RGL1: variants seen among roughly 807,000 people sequenced by gnomAD.
The protein encoded by RGL1 is ral guanine nucleotide dissociation stimulator-like 1.
In RGL1, 24 loss-of-function variants were observed where a neutral mutation model predicts 95.2. The ratio of observed to expected loss-of-function variants is 0.25; its 90% CI spans 0.18 to 0.35. The LOEUF is 0.35. Ranked by LOEUF, RGL1 falls within the 10% of genes least tolerant of loss-of-function variation. RGL1 has a pLI of 1.00. For missense variants in RGL1, 715 were observed against 936.3 expected (o/e 0.76, Z 3.08); for synonymous variants, 329 against 344.9 (o/e 0.95, Z 0.51).
chr1:183,893,225 A>G (rs1416915424), intron 9 of RGL1, among the ~76,000 whole-genome samples: 1 of 152,196 alleles, frequency 6.6e-6, no homozygotes, highest in East Asian at 1.9e-4. Context: ...GGGAGGTAAA[A>G]CATTTATAAA....
At chr1:183,763,163 C>T (rs1413994976) in intron 2 of RGL1, among the ~76,000 whole-genome samples, 1 of 152,148 alleles carries the variant, frequency 6.6e-6, no homozygotes, top group Admixed American at 6.5e-5. Context: ...ACCACATATT[C>T]TCACTCATAA....
intron 1 of RGL1, among the ~76,000 whole-genome samples, chr1:183,723,331 A>G (rs964424128): frequency 8.5e-5 from 13 of 152,326 alleles, no homozygotes; most frequent in African/African-American, 3.1e-4. Flanking sequence ...ACATAAAAAA[A>G]CACCTTCGTA....
chr1:183,754,432 A>C (rs970986983), intron 2 of RGL1: 1 of 152,138 alleles, frequency 6.6e-6, no homozygotes, highest in Non-Finnish European at 1.5e-5. Flanking sequence ...TTAACATAAT[A>C]AAAGTTTATT....
At chr1:183,795,204 A>G (rs1186323252) in intron 2 of RGL1, among the ~76,000 whole-genome samples, 2 of 152,214 alleles carry the variant, frequency 1.3e-5, no homozygotes, top group Non-Finnish European at 2.9e-5. Flanking sequence ...ATCTATCTAT[A>G]TCAAATTATT....
At chr1:183,707,359 A>G (rs1654984459) in intron 1 of RGL1, among the ~76,000 whole-genome samples, 1 of 152,242 alleles carries the variant, frequency 6.6e-6, no homozygotes, top group Non-Finnish European at 1.5e-5. Context: ...TCTTCTGGAA[A>G]TGAACCGAGT....
At chr1:183,848,450 G>A (rs3010056) in intron 3 of RGL1, among the ~76,000 whole-genome samples, 23,986 of 152,172 alleles carry the variant, frequency 0.16, 2,276 homozygotes, top group East Asian at 0.29. Flanking sequence ...GAAGAAAGCT[G>A]TCAGCCAAAC....
chr1:183,643,315 C>T (rs151170607), intron 1 of RGL1, among the ~76,000 whole-genome samples: 12,336 of 139,524 alleles, frequency 0.088, 992 homozygotes, highest in African/African-American at 0.23. Flanking sequence ...TATTTTGAGA[C>T]GGGGTCTCAC....
intron 1 of RGL1, among the ~76,000 whole-genome samples, chr1:183,664,216 T>TAATAAAATAA (rs145384705): frequency 6.6e-6 from 1 of 150,806 alleles, no homozygotes; most frequent in Non-Finnish European, 1.5e-5. Flanking sequence ...AGTATAATAA[T>TAATAAAATAA]AATAAAATAA....
chr1:183,817,452 G>C lies in RGL1; in HGVS notation c.138+10967G>C, dbSNP rs56352756. ...TGTGTGAGTTCCTTTTTTTGTTCCT[G>C]TTCCTTCCTGTCCTTCTTCTGACTT... is the stretch of plus-strand genomic sequence containing the variant. On this transcript the variant is annotated intron_variant, in intron 2 of 17. Transcript: ENST00000360851. 5.7e-3 allele frequency among the ~76,000 whole-genome samples: 862 copies of C among 151,924 alleles called. 4 individuals carry two copies. The highest frequency in any genetic ancestry group is 9.6e-3 in the Non-Finnish European group (653 of 67,924).
intron 4 of RGL1, among the ~76,000 whole-genome samples, chr1:183,879,503 T>G (rs1431987672): frequency 6.6e-6 from 1 of 152,250 alleles, no homozygotes; most frequent in African/African-American, 2.4e-5. Flanking sequence ...AAAAATTCTT[T>G]TTGGCTGAAA....
At chr1:183,783,712 A>G (rs760059476) in intron 2 of RGL1, among the ~76,000 whole-genome samples, 3 of 152,204 alleles carry the variant, frequency 2.0e-5, no homozygotes, top group South Asian at 2.1e-4. Context: ...GACATTTAAA[A>G]TAAGGAAGAA....
intron 2 of RGL1, among the ~76,000 whole-genome samples, chr1:183,778,479 A>G (rs916262974): frequency 6.6e-6 from 1 of 152,240 alleles, no homozygotes; most frequent in Non-Finnish European, 1.5e-5. Context: ...TTTACTAAAT[A>G]AAATGATGTT....
intron 2 of RGL1, among the ~76,000 whole-genome samples, chr1:183,784,934 A>G (rs1397511608): frequency 1.3e-5 from 2 of 152,206 alleles, no homozygotes; most frequent in Non-Finnish European, 2.9e-5. Flanking sequence ...GGCATAAACT[A>G]TATGAGTAAA....
chr1:183,897,324 A>G (rs1667756491), intron 9 of RGL1, among the ~76,000 whole-genome samples: 1 of 152,200 alleles, frequency 6.6e-6, no homozygotes, highest in Admixed American at 6.5e-5. Flanking sequence ...ATCTGAGATC[A>G]GGAGTTCAAG....
chr1:183,885,051 A>ATG (rs1667039090), intron 7 of RGL1, 113 bp downstream of exon 7: 2 of 853,216 alleles, frequency 2.3e-6, no homozygotes, highest in Non-Finnish European at 1.8e-6. Context: ...AAGACCATAT[A>ATG]TGAGAGCCCA....
At chr1:183,817,565 C>G (rs746348219) in intron 2 of RGL1, among the ~76,000 whole-genome samples, 42 of 152,300 alleles carry the variant, frequency 2.8e-4, no homozygotes, top group Middle Eastern at 3.4e-3. Flanking sequence ...ATCTAAAGAT[C>G]TTTTCCTTCT....
At chr1:183,878,984 A>G (rs1055453219) in intron 4 of RGL1, among the ~76,000 whole-genome samples, 78 of 152,220 alleles carry the variant, frequency 5.1e-4, no homozygotes, top group African/African-American at 1.8e-3. Context: ...TTTTTCTGTA[A>G]AAGTCAAGCT....
intron 1 of RGL1, among the ~76,000 whole-genome samples, chr1:183,655,726 A>C (rs545966579): frequency 6.6e-6 from 1 of 152,350 alleles, no homozygotes; most frequent in South Asian, 2.1e-4. Flanking sequence ...TAATTTGCTA[A>C]CACCACAGAC....
chr1:183,698,674 C>T (rs1384320899), intron 1 of RGL1, among the ~76,000 whole-genome samples: 1 of 152,232 alleles, frequency 6.6e-6, no homozygotes, highest in Non-Finnish European at 1.5e-5. Context: ...ATATAGTTAA[C>T]ACTTAACATG....
Sources: gnomAD v4.1 joint callset for allele counts (sites outside exome capture counted in the v4.1 genomes callset) on GRCh38, gnomAD v4.1.1 for gene constraint, MANE v1.5 for transcripts, NCBI Gene and HGNC (gene_info 2026-07-23, HGNC 2026-07-21) for gene names.